The following ILRUN variants were observed in gnomAD, a reference collection of about 807,000 sequenced individuals.
ILRUN encodes the protein inflammation and lipid regulator with UBA-like and NBR1-like domains.
A neutral mutation model predicts 33.8 loss-of-function variants in ILRUN; 3 were observed. That is an observed-to-expected ratio of 0.09 (90% confidence interval 0.04 to 0.23). The LOEUF is 0.23. Ranked by LOEUF, ILRUN falls within the 10% of genes least tolerant of loss-of-function variation. The probability of loss-of-function intolerance (pLI) is 1.00; values close to 1 mark genes in which losing one functional copy is unlikely to be tolerated. For synonymous variants in ILRUN, 124 were observed against 138.9 expected (o/e 0.89, Z 0.75); for missense variants, 210 against 375.1 (o/e 0.56, Z 3.64).
intron 4 of ILRUN, among the ~76,000 whole-genome samples, 164 bp downstream of exon 4, chr6:34,606,391 G>C (rs970744634): frequency 1.3e-5 from 2 of 152,156 alleles, no homozygotes; most frequent in African/African-American, 4.8e-5. Flanking sequence ...GGGGAAACGG[G>C]AGAAGGGGTA....
At chr6:34,599,351 T>A (rs978388013) in intron 4 of ILRUN, among the ~76,000 whole-genome samples, 1 of 152,210 alleles carries the variant, frequency 6.6e-6, no homozygotes, top group Non-Finnish European at 1.5e-5. Flanking sequence ...AGTGTTAAAC[T>A]CAGCCCTTGG....
chr6:34,654,609 C>A lies in ILRUN; in HGVS notation c.313+16G>T, dbSNP rs1222181476. ...ATGAAAACTAGGCAAGGGAGGATTGCCCATTATGTACTTACCAGAATTCTG... is the reference window on the plus strand; with the variant it reads ...ATGAAAACTAGGCAAGGGAGGATTGACCATTATGTACTTACCAGAATTCTG... On this transcript the variant is annotated intron_variant, in intron 2 of 4. Coordinates refer to ENST00000374023, the MANE Select transcript of ILRUN (RefSeq NM_024294.4). 1.3e-6 allele frequency: 2 copies of A among 1,589,764 alleles called. No individual in the cohort carries two copies. Among genetic ancestry groups the A allele is most frequent in the East Asian group, 2.2e-5 (1 of 44,462 alleles).
intron 1 of ILRUN, among the ~76,000 whole-genome samples, chr6:34,659,224 A>G (rs1208901485): frequency 6.6e-6 from 1 of 152,250 alleles, no homozygotes; most frequent in Non-Finnish European, 1.5e-5. Flanking sequence ...TGGGCTTGGT[A>G]CACAGCACAG....
At chr6:34,675,981 T>G (rs1251374002) in intron 1 of ILRUN, among the ~76,000 whole-genome samples, 1 of 152,110 alleles carries the variant, frequency 6.6e-6, no homozygotes, top group Non-Finnish European at 1.5e-5. Context: ...CTCTTGTCCA[T>G]CAACAAAGTA....
intron 1 of ILRUN, among the ~76,000 whole-genome samples, chr6:34,658,028 T>A (rs1242679441): frequency 6.6e-6 from 1 of 152,142 alleles, no homozygotes; most frequent in Non-Finnish European, 1.5e-5. Flanking sequence ...AGAGGCAACG[T>A]TAACAGTGAT....
chr6:34,651,891 C>G (rs2127363677), intron 2 of ILRUN, among the ~76,000 whole-genome samples: 1 of 148,364 alleles, frequency 6.7e-6, no homozygotes, highest in African/African-American at 2.5e-5. Flanking sequence ...CTCCTGGGTT[C>G]AAGTGATTCT....
intron 4 of ILRUN, among the ~76,000 whole-genome samples, chr6:34,600,432 T>C (rs544581352): frequency 1.3e-5 from 2 of 152,346 alleles, no homozygotes; most frequent in Non-Finnish European, 2.9e-5. Context: ...AAAGGAACTG[T>C]AGGACAGCCC....
chr6:34,654,921 T>C, intron 1 of ILRUN, 142 bp from the exon 2 acceptor site: 1 of 637,270 alleles, frequency 1.6e-6, no homozygotes, highest in South Asian at 3.4e-5. Flanking sequence ...AGCCTTCTAT[T>C]CTGGCTGAGG....
intron 4 of ILRUN, among the ~76,000 whole-genome samples, chr6:34,598,469 G>A (rs759504190): frequency 3.9e-5 from 6 of 152,104 alleles, no homozygotes; most frequent in Non-Finnish European, 5.9e-5. Context: ...TAAATTTCAC[G>A]AGTCCTACTT....
At chr6:34,615,991 C>G (rs1272531997) in intron 3 of ILRUN, among the ~76,000 whole-genome samples, 1 of 152,184 alleles carries the variant, frequency 6.6e-6, no homozygotes, top group Non-Finnish European at 1.5e-5. Context: ...TTAAGCCAAA[C>G]AATAAACTGC....
intron 3 of ILRUN, among the ~76,000 whole-genome samples, chr6:34,623,020 C>G (rs556776435): frequency 6.6e-6 from 1 of 152,126 alleles, no homozygotes; most frequent in African/African-American, 2.4e-5. Context: ...TATAATTCCA[C>G]GTATGTGAGG....
At chr6:34,612,663 T>C (rs956789656) in intron 3 of ILRUN, among the ~76,000 whole-genome samples, 4 of 152,048 alleles carry the variant, frequency 2.6e-5, no homozygotes, top group East Asian at 1.9e-4. Flanking sequence ...TGCCAGCACT[T>C]TGGGAGGCCA....
rs1247645503 is a variant in ILRUN, at chr6:34,588,073, A to G, written c.*2492T>C. 4 of 398,744 alleles carry G rather than the reference A, an allele frequency of 1.0e-5. No individual in the cohort carries two copies. Among genetic ancestry groups the G allele is most frequent in the African/African-American group, 8.2e-5 (4 of 48,780 alleles). 24.7% of individuals were successfully genotyped at this position (398,744 alleles called of 1,614,324 possible). On this transcript the variant is annotated 3_prime_UTR_variant, in exon 5 of 5. Coordinates refer to ENST00000374023, the MANE Select transcript of ILRUN (RefSeq NM_024294.4). ...CTAGGCATTGCTCTGAACCCATACCAGTGAGGGGAGAGAGAATGAATGATA... is the reference window on the plus strand; with the variant it reads ...CTAGGCATTGCTCTGAACCCATACCGGTGAGGGGAGAGAGAATGAATGATA...
At chr6:34,653,132 CAAAAAAAAA>C (rs947213125) in intron 2 of ILRUN, among the ~76,000 whole-genome samples, 7 of 51,592 alleles carry the variant, frequency 1.4e-4, no homozygotes, top group East Asian at 6.1e-4. Flanking sequence ...GACCTTGTCT[CAAAAAAAAA>C]AAAAAAAAAA....
intron 1 of ILRUN, among the ~76,000 whole-genome samples, chr6:34,675,473 A>C (rs1763209424): frequency 1.3e-5 from 2 of 152,172 alleles, no homozygotes; most frequent in Non-Finnish European, 2.9e-5. Flanking sequence ...CAGCTATATA[A>C]AATATTTATA....
chr6:34,694,122 A>AT (rs1448608038), intron 1 of ILRUN, among the ~76,000 whole-genome samples: 2 of 151,824 alleles, frequency 1.3e-5, no homozygotes, highest in Non-Finnish European at 2.9e-5. Flanking sequence ...CTTTTAAGTT[A>AT]TTTTTTTTCT....
chr6:34,630,611 T>G (rs1762226677), intron 3 of ILRUN, among the ~76,000 whole-genome samples: 1 of 152,176 alleles, frequency 6.6e-6, no homozygotes, highest in Non-Finnish European at 1.5e-5. Flanking sequence ...TTCGATCTCT[T>G]GACCTCGTGA....
chr6:34,681,937 T>C (rs1763366631), intron 1 of ILRUN, among the ~76,000 whole-genome samples: 1 of 145,932 alleles, frequency 6.9e-6, no homozygotes, highest in East Asian at 2.1e-4. Context: ...ACTGCAACTC[T>C]GCCTCCCAGG....
chr6:34,610,230 T>C (rs1761720856), intron 3 of ILRUN, among the ~76,000 whole-genome samples: 2 of 150,952 alleles, frequency 1.3e-5, no homozygotes, highest in South Asian at 4.2e-4. Context: ...ACTAGCAACA[T>C]AAAAGTTAAA....
Sources: gnomAD v4.1 joint callset for allele counts (sites outside exome capture counted in the v4.1 genomes callset) on GRCh38, gnomAD v4.1.1 for gene constraint, MANE v1.5 for transcripts, NCBI Gene and HGNC (gene_info 2026-07-23, HGNC 2026-07-21) for gene names.